STK32B: variants seen among roughly 807,000 people sequenced by gnomAD.
STK32B encodes serine/threonine kinase 32B.
STK32B carries 43 observed loss-of-function variants against 52.6 expected under a neutral mutation model. That is an observed-to-expected ratio of 0.82 (90% CI 0.64 to 1.05). The LOEUF (loss-of-function observed/expected upper bound fraction) is 1.05. STK32B is among the 50% of genes least tolerant of loss of function. The probability of loss-of-function intolerance (pLI) is 0.00; values close to 1 mark genes in which losing one functional copy is unlikely to be tolerated. For missense variants in STK32B, 621 were observed against 534.6 expected (o/e 1.16, Z -1.59); for synonymous variants, 238 against 204.3 (o/e 1.17, Z -1.41).
chr4:5,126,409 G>A (rs554900196), intron 1 of STK32B, among the ~76,000 whole-genome samples: 12 of 152,316 alleles, frequency 7.9e-5, no homozygotes, highest in Admixed American at 1.3e-4. Context: ...CCTGCTGAGC[G>A]TGGCTGGGCT....
intron 1 of STK32B, among the ~76,000 whole-genome samples, chr4:5,104,046 A>T (rs1329820006): frequency 6.6e-6 from 1 of 152,146 alleles, no homozygotes. Context: ...AAGTTTTAAC[A>T]GTAAGAATGA....
At chr4:5,229,740 A>G (rs1013557901) in intron 3 of STK32B, among the ~76,000 whole-genome samples, 1 of 152,156 alleles carries the variant, frequency 6.6e-6, no homozygotes, top group African/African-American at 2.4e-5. Context: ...ATTTTCTGGA[A>G]GTTATCTTGA....
At chr4:5,239,957 C>G (rs1724898818) in intron 3 of STK32B, among the ~76,000 whole-genome samples, 1 of 152,066 alleles carries the variant, frequency 6.6e-6, no homozygotes, top group Admixed American at 6.6e-5. Context: ...GTTAACTCAC[C>G]TGGCCAATCA....
chr4:5,330,510 G>C (rs1032791131), intron 3 of STK32B, among the ~76,000 whole-genome samples: 1 of 152,128 alleles, frequency 6.6e-6, no homozygotes, highest in African/African-American at 2.4e-5. Context: ...ATGTTCTGTG[G>C]GGTAACTGGG....
chr4:5,163,992 T>C (rs775250295), intron 2 of STK32B, among the ~76,000 whole-genome samples: 4 of 152,170 alleles, frequency 2.6e-5, no homozygotes, highest in Non-Finnish European at 2.9e-5. Flanking sequence ...GAGACCCGAC[T>C]GTGGACCTGG....
chr4:5,220,846 G>C (rs568946851), intron 3 of STK32B, among the ~76,000 whole-genome samples: 1 of 152,172 alleles, frequency 6.6e-6, no homozygotes, highest in Non-Finnish European at 1.5e-5. Context: ...GGGATGGAAA[G>C]TATGAGGAGA....
chr4:5,227,833 A>G (rs980271764), intron 3 of STK32B, among the ~76,000 whole-genome samples: 2 of 152,214 alleles, frequency 1.3e-5, no homozygotes, highest in Admixed American at 6.5e-5. Context: ...CTTAAGTGAA[A>G]TTGGCTTTTA....
chr4:5,464,818 A>T (rs1173440207), intron 9 of STK32B, among the ~76,000 whole-genome samples: 2 of 152,214 alleles, frequency 1.3e-5, no homozygotes, highest in Non-Finnish European at 2.9e-5. Flanking sequence ...TTATGAATGA[A>T]TGAATGAGTG....
chr4:5,365,995 C>T (rs1054912893), intron 4 of STK32B, among the ~76,000 whole-genome samples: 1 of 151,796 alleles, frequency 6.6e-6, no homozygotes, highest in Non-Finnish European at 1.5e-5. Flanking sequence ...CTCACAGTTG[C>T]GCAGACTCTG....
the STK32B span, among the ~76,000 whole-genome samples, chr4:5,041,871 C>T: frequency 6.6e-5 from 10 of 151,446 alleles, no homozygotes; most frequent in Non-Finnish European, 8.8e-5. Flanking sequence ...TGCAAGCAGA[C>T]GGTATTTACT....
In STK32B at chr4:5,469,813, G is replaced by A. The variant is rs1262463606; in HGVS notation, c.1106+1743G>A. Among the ~76,000 whole-genome samples, 1 of 152,198 alleles carries A rather than the reference G, an allele frequency of 6.6e-6. No homozygotes were observed. The highest frequency in any genetic ancestry group is 1.5e-5 in the Non-Finnish European group (1 of 68,024). On this transcript the variant is annotated intron_variant, in intron 11 of 11. Transcript: ENST00000282908. This position sits in a 1 kb window ranked among gnomAD's most constrained non-coding sequence, Gnocchi z 4.7. ...GCCCATCAGACTTGGGGAAGACGGG[G>A]GCTGATGTCGTGAGTGGTTTCGGAG...
chr4:5,407,897 G>A (rs1426051184), intron 5 of STK32B, among the ~76,000 whole-genome samples: 3 of 152,086 alleles, frequency 2.0e-5, no homozygotes, highest in Non-Finnish European at 4.4e-5. Context: ...AGGTGATTAG[G>A]TCATGAGGGT....
chr4:5,450,026 T>A (rs966741750), intron 7 of STK32B, among the ~76,000 whole-genome samples: 1 of 152,086 alleles, frequency 6.6e-6, no homozygotes, highest in Non-Finnish European at 1.5e-5. Context: ...CCCTAGTCCA[T>A]GGAAAAAAAT....
rs1206080276 is a variant in STK32B, at chr4:5,470,338, G to T, written c.1106+2268G>T. Among the ~76,000 whole-genome samples the T allele has an allele frequency of 2.0e-5, 3 of 152,332 alleles. No individual in the cohort carries two copies. In the East Asian group the frequency reaches 5.8e-4, roughly 29 times the overall value. ...TGAGATTTGGCATCGGGGATTGGAA[G>T]TGAGGCTGGCATAGTTTACCGGAGT... On this transcript the variant is annotated intron_variant, in intron 11 of 11. Transcript: ENST00000282908. This position sits in a 1 kb window ranked among gnomAD's most constrained non-coding sequence, Gnocchi z 4.6.
the STK32B span, among the ~76,000 whole-genome samples, chr4:5,040,523 A>G: frequency 2.0e-5 from 3 of 151,584 alleles, no homozygotes; most frequent in South Asian, 6.2e-4. Context: ...CTTCCCGAGT[A>G]GCTGGGATTA....
chr4:5,181,777 A>G (rs765730107), intron 3 of STK32B, among the ~76,000 whole-genome samples: 7 of 152,224 alleles, frequency 4.6e-5, no homozygotes, highest in Non-Finnish European at 1.0e-4. Context: ...AACAAGTTTT[A>G]ATCTTTTTGC....
At chr4:5,110,242 GAA>G (rs34541703) in intron 1 of STK32B, among the ~76,000 whole-genome samples, 3 of 131,060 alleles carry the variant, frequency 2.3e-5, no homozygotes, top group Non-Finnish European at 1.6e-5. Flanking sequence ...CACAAAATTA[GAA>G]AAAAAAATCC....
intron 9 of STK32B, among the ~76,000 whole-genome samples, chr4:5,463,045 G>A (rs894755011): frequency 3.9e-5 from 6 of 152,218 alleles, no homozygotes; most frequent in Non-Finnish European, 8.8e-5. Flanking sequence ...TCACAGATCC[G>A]ATGAGAAACC....
At chr4:5,494,000 T>A (rs1233646755) in intron 11 of STK32B, among the ~76,000 whole-genome samples, 1 of 152,266 alleles carries the variant, frequency 6.6e-6, no homozygotes. Context: ...TACTTCCAAG[T>A]ATGTGGTCAA....
Sources: gnomAD v4.1 joint callset for allele counts (sites outside exome capture counted in the v4.1 genomes callset) on GRCh38, gnomAD v4.1.1 for gene constraint, Gnocchi (gnomAD v3.1) non-coding constraint, MANE v1.5 for transcripts, NCBI Gene and HGNC (gene_info 2026-07-23, HGNC 2026-07-21) for gene names.